Variants in KCNMA1 observed in about 807,000 individuals in gnomAD.
KCNMA1 encodes the protein potassium calcium-activated channel subfamily M alpha 1.
KCNMA1 carries 29 observed loss-of-function variants against 140.0 expected under a neutral mutation model. The ratio of observed to expected loss-of-function variants is 0.21; its 90% CI spans 0.15 to 0.28. The LOEUF is 0.28. Among genes scored for constraint, KCNMA1 ranks in the 10% least tolerant of loss-of-function variants. The pLI is 1.00. For missense variants in KCNMA1, 880 were observed against 1,602.2 expected (o/e 0.55, Z 7.70); for synonymous variants, 612 against 611.9 (o/e 1.00, Z 0.00).
At chr10:77,112,328 C>G (rs200994661) in intron 7 of KCNMA1, 39 bp downstream of exon 7, 3 of 1,443,394 alleles carry the variant, frequency 2.1e-6, no homozygotes, top group South Asian at 2.3e-5. Flanking sequence ...GGTCTTGTTG[C>G]AGGCAAGCGA....
chr10:77,572,582 ATATATATATATATATATATAT>A (rs2071953858), intron 1 of KCNMA1, among the ~76,000 whole-genome samples: 1 of 88,940 alleles, frequency 1.1e-5, no homozygotes, highest in Admixed American at 1.2e-4. Flanking sequence ...ATATATATAT[ATATATATATATATATATATAT>A]AAATTAGCTG....
intron 23 of KCNMA1, among the ~76,000 whole-genome samples, chr10:76,915,950 C>G (rs1865021): frequency 6.6e-6 from 1 of 151,618 alleles, no homozygotes; most frequent in Non-Finnish European, 1.5e-5. Flanking sequence ...TCCTGGAGTT[C>G]CTGGGGCAAG....
intron 2 of KCNMA1, among the ~76,000 whole-genome samples, chr10:77,351,623 A>C (rs1258642607): frequency 6.6e-6 from 1 of 152,266 alleles, no homozygotes; most frequent in South Asian, 2.1e-4. Context: ...CCTTCCTCCC[A>C]GGGGGAAAAG....
At chr10:77,586,340 C>T (rs1005651487) in intron 1 of KCNMA1, 1 of 152,188 alleles carries the variant, frequency 6.6e-6, no homozygotes, top group Non-Finnish European at 1.5e-5. Context: ...GTTGCATGTT[C>T]GACGTCCTTT....
At chr10:77,112,817 T>G (rs757870940) in intron 6 of KCNMA1, among the ~76,000 whole-genome samples, 6 of 151,552 alleles carry the variant, frequency 4.0e-5, no homozygotes, top group Non-Finnish European at 2.9e-5. Context: ...CCGCCCTTTT[T>G]TCTTCTCTTC....
intron 1 of KCNMA1, among the ~76,000 whole-genome samples, chr10:77,461,083 G>A (rs1017370934): frequency 7.2e-5 from 11 of 151,926 alleles, no homozygotes; most frequent in African/African-American, 2.7e-4. Context: ...TCCAGCCTGG[G>A]TAACAAGAGT....
chr10:77,593,428 T>C (rs1328447287), intron 1 of KCNMA1, among the ~76,000 whole-genome samples: 9 of 152,230 alleles, frequency 5.9e-5, no homozygotes, highest in Non-Finnish European at 1.2e-4. Context: ...TTGTGCAAGG[T>C]AATTGCAGCT....
At chr10:77,557,470 T>C (rs1023647144) in intron 1 of KCNMA1, among the ~76,000 whole-genome samples, 9 of 152,200 alleles carry the variant, frequency 5.9e-5, no homozygotes, top group African/African-American at 2.2e-4. Context: ...ACACTGTTTA[T>C]ACAGTTCATG....
intron 13 of KCNMA1, among the ~76,000 whole-genome samples, chr10:77,077,288 C>T (rs1210085849): frequency 2.6e-5 from 4 of 152,170 alleles, no homozygotes; most frequent in Admixed American, 6.5e-5. Flanking sequence ...ACTAATCATC[C>T]AAGGATCTGT....
chr10:76,881,290 T>C (rs1343857922), downstream of KCNMA1, among the ~76,000 whole-genome samples: 4 of 152,216 alleles, frequency 2.6e-5, no homozygotes, highest in Non-Finnish European at 5.9e-5. Flanking sequence ...AAATTTATCT[T>C]AGCTTCATTC....
intron 1 of KCNMA1, among the ~76,000 whole-genome samples, chr10:77,511,834 G>A (rs987937420): frequency 6.6e-6 from 1 of 152,176 alleles, no homozygotes; most frequent in Admixed American, 6.5e-5. Context: ...GTCAAGAAAG[G>A]CAGATTTATT....
intron 23 of KCNMA1, chr10:76,939,925 G>A (rs1272945980): frequency 1.3e-5 from 2 of 152,200 alleles, no homozygotes; most frequent in Non-Finnish European, 2.9e-5. Flanking sequence ...GATTTAAATT[G>A]AAATGTTTTC....
Position 76,886,241 on chromosome 10 carries a change from C to T in KCNMA1, c.*1025G>A. 2 of 984,734 alleles carry T rather than the reference C, an allele frequency of 2.0e-6. No homozygotes were observed. Among genetic ancestry groups the T allele is most frequent in the Non-Finnish European group, 2.4e-6 (2 of 829,348 alleles). The allele number at this position is 984,734 out of a possible 1,614,324, so 61.0% of individuals were successfully genotyped here. On this transcript the variant is annotated 3_prime_UTR_variant, in exon 28 of 28. Transcript: ENST00000286628. ...GGCATTGGGGCCCTAACTAATCAAA[C>T]AAAGGGGAGTAAAAAGATCCCCTGA...
chr10:77,102,100 T>C (rs1402986137), intron 9 of KCNMA1, among the ~76,000 whole-genome samples: 1 of 152,168 alleles, frequency 6.6e-6, no homozygotes, highest in Non-Finnish European at 1.5e-5. Context: ...AATGCATCTG[T>C]CCCCAGTGCC....
At chr10:77,098,979 G>C (rs1001904186) in intron 9 of KCNMA1, among the ~76,000 whole-genome samples, 3 of 152,160 alleles carry the variant, frequency 2.0e-5, no homozygotes, top group Non-Finnish European at 2.9e-5. Context: ...CCCAATGCTA[G>C]ATGGTTCTCT....
At chr10:77,068,979 T>C (rs1296828943) in intron 14 of KCNMA1, among the ~76,000 whole-genome samples, 1 of 151,498 alleles carries the variant, frequency 6.6e-6, no homozygotes, top group Non-Finnish European at 1.5e-5. Context: ...ATGCCCCAAC[T>C]TGAAACCTCA....
chr10:77,390,246 G>A (rs1407316346), intron 2 of KCNMA1, among the ~76,000 whole-genome samples: 1 of 152,194 alleles, frequency 6.6e-6, no homozygotes, highest in Non-Finnish European at 1.5e-5. Flanking sequence ...GCAAAGCCAG[G>A]GTTAGTATCC....
At chr10:77,344,059 A>T (rs2091608063) in intron 2 of KCNMA1, among the ~76,000 whole-genome samples, 1 of 152,184 alleles carries the variant, frequency 6.6e-6, no homozygotes, top group African/African-American at 2.4e-5. Flanking sequence ...CTGCACCACC[A>T]CACACAGGCA....
intron 3 of KCNMA1, among the ~76,000 whole-genome samples, chr10:77,226,470 T>G (rs1488516483): frequency 6.6e-6 from 1 of 151,822 alleles, no homozygotes; most frequent in Non-Finnish European, 1.5e-5. Flanking sequence ...GCCATCCTGG[T>G]TTGAGATCCC....
Sources: gnomAD v4.1 joint callset for allele counts (sites outside exome capture counted in the v4.1 genomes callset) on GRCh38, gnomAD v4.1.1 for gene constraint, MANE v1.5 for transcripts, NCBI Gene and HGNC (gene_info 2026-07-23, HGNC 2026-07-21) for gene names.